The following MAPK10 variants were observed in gnomAD, a reference collection of about 807,000 sequenced individuals.
MAPK10 encodes mitogen-activated protein kinase 10.
Under a neutral mutation model 59.3 loss-of-function variants are expected in MAPK10, and 25 were observed. The ratio of observed to expected loss-of-function variants is 0.42; its 90% confidence interval spans 0.31 to 0.59. The LOEUF is 0.59. Among genes scored for constraint, MAPK10 ranks in the 20% least tolerant of loss-of-function variants. The pLI, the probability that MAPK10 is intolerant of heterozygous loss-of-function variation, is 0.15. For missense variants in MAPK10, 351 were observed against 568.9 expected, an observed-to-expected ratio of 0.62 and a Z score of 3.90; for synonymous variants, 190 against 200.5, an observed-to-expected ratio of 0.95 and a Z score of 0.44.
intron 10 of MAPK10, 66 bp from the exon 11 acceptor site, chr4:86,064,456 G>T: frequency 6.6e-7 from 1 of 1,510,950 alleles, no homozygotes; most frequent in South Asian, 1.1e-5. Context: ...TTGTCAGAGA[G>T]GAAATTTAAG....
chr4:86,199,877 G>A (rs141980723), intron 2 of MAPK10, among the ~76,000 whole-genome samples: 2,502 of 152,008 alleles, frequency 0.016, 32 homozygotes, highest in Non-Finnish European at 0.026. Context: ...CCACTAATAG[G>A]AAATACTCTT....
chr4:86,553,894 T>TC (rs895052095), intron 1 of MAPK10, among the ~76,000 whole-genome samples: 15 of 151,708 alleles, frequency 9.9e-5, no homozygotes, highest in Non-Finnish European at 1.8e-4. Flanking sequence ...CTTCTTAATT[T>TC]TTTTTTTTTT....
At chr4:86,278,299 T>C (rs1484474681) in intron 2 of MAPK10, among the ~76,000 whole-genome samples, 1 of 152,188 alleles carries the variant, frequency 6.6e-6, no homozygotes, top group African/African-American at 2.4e-5. Flanking sequence ...AACTCCCTAG[T>C]GTCCTAGTAC....
At chr4:86,503,719 T>TG (rs1755497285) in intron 1 of MAPK10, among the ~76,000 whole-genome samples, 1 of 152,162 alleles carries the variant, frequency 6.6e-6, no homozygotes, top group African/African-American at 2.4e-5. Context: ...ATTATGTCAC[T>TG]GTTCTGATTT....
intron 1 of MAPK10, among the ~76,000 whole-genome samples, chr4:86,430,327 A>G (rs1425663185): frequency 6.6e-6 from 1 of 152,220 alleles, no homozygotes; most frequent in Non-Finnish European, 1.5e-5. Context: ...ATAAAGTATG[A>G]ATTCATTGGC....
chr4:86,196,638 C>G (rs1002952801), intron 2 of MAPK10, among the ~76,000 whole-genome samples: 1 of 152,110 alleles, frequency 6.6e-6, no homozygotes, highest in Non-Finnish European at 1.5e-5. Context: ...TTTGCCCATG[C>G]CTATGTCCTG....
intron 3 of MAPK10, among the ~76,000 whole-genome samples, chr4:86,177,091 A>T (rs958678100): frequency 1.3e-5 from 2 of 152,080 alleles, no homozygotes; most frequent in Admixed American, 1.3e-4. Flanking sequence ...TAGTTTTTTT[A>T]AAAAGGGATA....
chr4:86,044,611 A>G, intron 11 of MAPK10: 1 of 395,766 alleles, frequency 2.5e-6, no homozygotes, highest in East Asian at 3.6e-5. Flanking sequence ...GATATATCAT[A>G]TACTATGATT....
At chr4:86,237,912 C>T (rs2092397452) in intron 2 of MAPK10, among the ~76,000 whole-genome samples, 1 of 152,162 alleles carries the variant, frequency 6.6e-6, no homozygotes, top group Non-Finnish European at 1.5e-5. Context: ...GTCATGAAGA[C>T]TTTGCCCATG....
At chr4:86,145,512 T>C (rs1289520261) in intron 4 of MAPK10, among the ~76,000 whole-genome samples, 2 of 152,202 alleles carry the variant, frequency 1.3e-5, no homozygotes, top group Non-Finnish European at 2.9e-5. Flanking sequence ...TTACTGCTTC[T>C]TTTCAAAGCT....
intron 10 of MAPK10, among the ~76,000 whole-genome samples, chr4:86,066,646 TC>T (rs1274674414): frequency 6.6e-6 from 1 of 150,470 alleles, no homozygotes; most frequent in African/African-American, 2.5e-5. Context: ...GCGCCTGTAG[TC>T]CCAGCTACTC....
chr4:86,333,466 A>G (rs2096203569), intron 2 of MAPK10, among the ~76,000 whole-genome samples: 1 of 152,194 alleles, frequency 6.6e-6, no homozygotes, highest in African/African-American at 2.4e-5. Context: ...CCCTCAGCCT[A>G]CTGCTGTCTG....
intron 1 of MAPK10, among the ~76,000 whole-genome samples, chr4:86,533,032 C>G (rs1002911228): frequency 1.3e-5 from 2 of 150,748 alleles, no homozygotes; most frequent in African/African-American, 4.9e-5. Context: ...TGAACTGCCT[C>G]AGGAAAAAAA....
intron 4 of MAPK10, among the ~76,000 whole-genome samples, chr4:86,130,367 T>C (rs925549011): frequency 2.0e-5 from 3 of 152,120 alleles, no homozygotes; most frequent in Non-Finnish European, 2.9e-5. Context: ...TCAAGCAAAG[T>C]AGAAGTTTCT....
At chr4:86,228,014 G>A (rs996939594) in intron 2 of MAPK10, among the ~76,000 whole-genome samples, 1 of 152,166 alleles carries the variant, frequency 6.6e-6, no homozygotes, top group African/African-American at 2.4e-5. Flanking sequence ...GAGGTGAGAC[G>A]AAAGAGCATG....
intron 1 of MAPK10, among the ~76,000 whole-genome samples, chr4:86,423,448 T>C (rs1746793490): frequency 6.6e-6 from 1 of 152,094 alleles, no homozygotes; most frequent in African/African-American, 2.4e-5. Context: ...AACCAGCTAA[T>C]GTATGTAAAG....
chr4:86,341,837 C>CT (rs1725132660), intron 2 of MAPK10, among the ~76,000 whole-genome samples: 1 of 61,538 alleles, frequency 1.6e-5, no homozygotes, highest in African/African-American at 4.3e-5. Flanking sequence ...AAAAAAAACA[C>CT]CGGCAGCTAC....
At chr4:86,048,167 C>G (rs1310160006) in intron 11 of MAPK10, among the ~76,000 whole-genome samples, 1 of 151,928 alleles carries the variant, frequency 6.6e-6, no homozygotes, top group African/African-American at 2.4e-5. Context: ...ATTTACTGAC[C>G]ATACACTATG....
intron 4 of MAPK10, among the ~76,000 whole-genome samples, chr4:86,135,128 C>A (rs2061720467): frequency 6.6e-6 from 1 of 152,210 alleles, no homozygotes; most frequent in Non-Finnish European, 1.5e-5. Context: ...CGCCATTGCC[C>A]AGGCTTGCTT....
Sources: allele counts gnomAD v4.1 joint callset (sites outside exome capture counted in the v4.1 genomes callset), GRCh38; gene constraint gnomAD v4.1.1; transcripts MANE v1.5; gene names NCBI Gene and HGNC (gene_info 2026-07-23, HGNC 2026-07-21).